PLXNA1: variants seen among roughly 807,000 people sequenced by gnomAD.
PLXNA1 encodes plexin A1.
PLXNA1 carries 77 observed loss-of-function variants against 191.7 expected under a neutral mutation model. The observed-to-expected ratio is 0.40, with a 90% confidence interval of 0.33 to 0.49. The LOEUF is 0.49. Ranked by LOEUF, PLXNA1 falls within the 20% of genes least tolerant of loss-of-function variation. The pLI, the probability that PLXNA1 is intolerant of heterozygous loss-of-function variation, is 0.63. For synonymous variants in PLXNA1, 1,137 were observed against 1,156.4 expected, an observed-to-expected ratio of 0.98 and a Z score of 0.34; for missense variants, 2,110 against 2,660.2, an observed-to-expected ratio of 0.79 and a Z score of 4.55.
At chr3:126,987,854 G>A (rs925005674) in intron 1 of PLXNA1, among the ~76,000 whole-genome samples, 2 of 151,070 alleles carry the variant, frequency 1.3e-5, no homozygotes, top group Non-Finnish European at 3.0e-5. Flanking sequence ...GGTTTATCCA[G>A]CATGGGGCTT....
At chr3:127,003,525 G>GCCCTCCT in intron 4 of PLXNA1, 55 bp downstream of exon 4, 1 of 1,536,722 alleles carries the variant, frequency 6.5e-7, no homozygotes, top group Non-Finnish European at 8.8e-7. Flanking sequence ...CTCCTACCAG[G>GCCCTCCT]AACCCCAGTC....
At chr3:127,023,449 C>A (rs1007886520) in intron 23 of PLXNA1, among the ~76,000 whole-genome samples, 11 of 152,230 alleles carry the variant, frequency 7.2e-5, no homozygotes, top group Admixed American at 5.9e-4. Flanking sequence ...TAGCCCACTC[C>A]TGAGAGGTGG....
At position 126,988,720 on chromosome 3, in the gene PLXNA1, A is replaced by G. The variant is rs753202965; in HGVS notation, c.127A>G (p.Thr43Ala). ...CGGGGGTTCACAGCCCCCCTTCCGCACCTTCTCGGCCAGCGACTGGGGCCT... is the reference window on the plus strand; with the variant it reads ...CGGGGGTTCACAGCCCCCCTTCCGCGCCTTCTCGGCCAGCGACTGGGGCCT... ...AGGGSQPPFR[T>A]FSASDWGLTH... The change falls in exon 2 of 32, where the codon ACC (threonine) becomes GCC (alanine). Residue 43 changes from threonine to alanine, a missense_variant. Physicochemically the swap from Thr to Ala is moderately conservative, Grantham distance 58. This residue lies in a region of PLXNA1 where 903 missense variants were observed against 1,015.7 expected (regional missense o/e 0.89). Transcript: ENST00000393409. The G allele has an allele frequency of 1.9e-5, 30 of 1,577,764 alleles. No individual in the cohort carries two copies. The highest frequency in any genetic ancestry group is 2.6e-5 in the Non-Finnish European group (30 of 1,159,150).
At chr3:126,991,351 G>T in intron 2 of PLXNA1, 33 bp from the exon 3 acceptor site, 1 of 1,606,586 alleles carries the variant, frequency 6.2e-7, no homozygotes. Context: ...GAAGGTGCCC[G>T]GGGAGTGGCT....
chr3:127,021,547 CCA>C (rs2079152186), intron 21 of PLXNA1, among the ~76,000 whole-genome samples: 1 of 152,342 alleles, frequency 6.6e-6, no homozygotes, highest in African/African-American at 2.4e-5. Flanking sequence ...CTTCCTGTCT[CCA>C]ACCTTGTGTC....
rs757422870 is a variant in PLXNA1, at chr3:126,988,801, C to T, written c.208C>T (p.Arg70Cys). The T allele has an allele frequency of 2.5e-6, 4 of 1,612,090 alleles. No homozygotes were observed. The highest frequency in any genetic ancestry group is 2.5e-6 in the Non-Finnish European group (3 of 1,179,200). Residue 70 changes from arginine (R) to cysteine (C), a missense_variant, in exon 2 of 32, where the codon CGC becomes TGC. Around this residue, in one of 4 missense-constraint regions of PLXNA1, gnomAD observed 903 missense variants for 1,015.7 expected, o/e 0.89. Coordinates refer to ENST00000393409, the MANE Select transcript of PLXNA1 (RefSeq NM_032242.4). ...TGEVYVGAVN[R>C]IYKLSGNLTL... ...CGAGGTGTATGTGGGCGCAGTGAACCGCATCTATAAGCTGTCGGGGAACCT... is the reference window on the plus strand; with the variant it reads ...CGAGGTGTATGTGGGCGCAGTGAACTGCATCTATAAGCTGTCGGGGAACCT...
rs753764053 is a variant in PLXNA1, at chr3:127,017,547, G to A, written c.3399G>A (p.Val1133=). The A allele has an allele frequency of 6.2e-7, 1 of 1,613,684 alleles. No homozygotes were observed. The highest frequency in any genetic ancestry group is 1.7e-5 in the Admixed American group (1 of 60,024). The part of the protein sequence containing the change: ...PDELGFVMDN[V]RSLLVLNSTS... Reference sequence around the variant, plus strand: ...AGCTGGGCTTCGTCATGGACAACGTGCGCTCCCTGCTTGTGCTCAACTCCA... The same window carrying A: ...AGCTGGGCTTCGTCATGGACAACGTACGCTCCCTGCTTGTGCTCAACTCCA... Residue 1133 remains valine, a synonymous_variant, in exon 18 of 32, where the codon GTG becomes GTA. Coordinates refer to ENST00000393409, the MANE Select transcript of PLXNA1 (RefSeq NM_032242.4).
rs537869186 is a variant in PLXNA1, at chr3:127,036,209, GGT to G, written c.*2193_*2194del. ...ATGCTGGCTTCAGGTTGAAGTCCCT[GGT>G]TCTTCCAGTTCCTCACGGGTTAGGT... On this transcript the variant is annotated 3_prime_UTR_variant, in exon 32 of 32. Coordinates refer to ENST00000393409, the MANE Select transcript of PLXNA1 (RefSeq NM_032242.4). The G allele has an allele frequency of 1.3e-5, 2 of 152,856 alleles. No individual in the cohort carries two copies. The highest frequency in any genetic ancestry group is 4.8e-5 in the African/African-American group (2 of 41,556). The allele number at this position is 152,856 out of a possible 1,614,324, so 9.5% of individuals were successfully genotyped here.
intron 23 of PLXNA1, chr3:127,027,683 A>G (rs1352123973): frequency 3.1e-6 from 2 of 641,412 alleles, no homozygotes; most frequent in Admixed American, 2.1e-5. Flanking sequence ...TCGATACACT[A>G]CTGCGCCTCC....
intron 15 of PLXNA1, 119 bp from the exon 16 acceptor site, chr3:127,016,398 C>A: frequency 2.4e-6 from 2 of 845,684 alleles, no homozygotes; most frequent in Non-Finnish European, 3.8e-6. Context: ...TAGTATGCAG[C>A]CACCCAAGGC....
At position 127,014,107 on chromosome 3, in the gene PLXNA1, A is replaced by G; in HGVS notation, c.2401A>G (p.Asn801Asp). 1 of 1,613,796 alleles carries G rather than the reference A, an allele frequency of 6.2e-7. No homozygotes were observed. Among genetic ancestry groups the G allele is most frequent in the Non-Finnish European group, 8.5e-7 (1 of 1,179,918 alleles). The change falls in exon 11 of 32, where the codon AAC becomes GAC. Residue 801 changes from asparagine (N) to aspartate (D), a missense_variant. Around this residue, in one of 4 missense-constraint regions of PLXNA1, gnomAD observed 644 missense variants for 714.3 expected, o/e 0.90. Transcript: ENST00000393409. Reference protein sequence around the residue: ...NGNFVIDNPQNIQAHLYKCPA... With the variant: ...NGNFVIDNPQDIQAHLYKCPA... Reference sequence around the variant, plus strand: ...CAACTTTGTCATTGACAACCCACAGAACATCCAGGGTGAGTGGGCGCCCCG... The same window carrying G: ...CAACTTTGTCATTGACAACCCACAGGACATCCAGGGTGAGTGGGCGCCCCG...
In PLXNA1 at chr3:127,002,640, C is replaced by T. The variant is rs998981443; in HGVS notation, c.1378-690C>T. ...CCCTGGACTCAGAGCTGGGCAGACA[C>T]GCCCCAAGAGTCCCATCTCTGGAAA... On this transcript the variant is annotated intron_variant, in intron 3 of 31. Transcript: ENST00000393409. Among the ~76,000 whole-genome samples the T allele has an allele frequency of 2.0e-5, 3 of 152,240 alleles. No individual in the cohort carries two copies. In the East Asian group the frequency reaches 5.8e-4, roughly 29 times the overall value.
Position 127,016,667 on chromosome 3 carries a change from C to T in PLXNA1, c.3165C>T (p.Pro1055=), listed in dbSNP as rs767542545. Residue 1055 remains proline, a synonymous_variant, in exon 16 of 32, where the codon CCC becomes CCT. Transcript: ENST00000393409. ...ACCCCACCATCCTGAGGATCGACCCCGAGTGGAGCATCAACAGGTGGGGCC... is the reference window on the plus strand; with the variant it reads ...ACCCCACCATCCTGAGGATCGACCCTGAGTGGAGCATCAACAGGTGGGGCC... ...TEDPTILRID[P]EWSINSGGTL... 20 of 1,613,886 alleles carry T rather than the reference C, an allele frequency of 1.2e-5. 1 individual carries two copies. Among genetic ancestry groups the T allele is most frequent in the East Asian group, 2.2e-5 (1 of 44,882 alleles).
chr3:126,983,296 G>GGGCGCAACTTTCCCCGC lies in PLXNA1; in HGVS notation c.-74+15_-74+31dup, dbSNP rs1437043660. ...GCGCCCCGGGGCGGCGGGTGAGTCG[G>GGGCGCAACTTTCCCCGC]GGCGCAACTTTCCCCGCGGCGCGGG... On this transcript the variant is annotated intron_variant, in intron 1 of 31. Transcript: ENST00000393409. Among the ~76,000 whole-genome samples, 4 of 144,386 alleles carry GGGCGCAACTTTCCCCGC rather than the reference G, an allele frequency of 2.8e-5. No homozygotes were observed. Among genetic ancestry groups the GGGCGCAACTTTCCCCGC allele is most frequent in the Non-Finnish European group, 4.6e-5 (3 of 65,058 alleles). The allele number at this position is 144,386 out of a possible 152,430, so 94.7% of individuals were successfully genotyped here.
intron 25 of PLXNA1, 35 bp from the exon 26 acceptor site, chr3:127,028,958 C>T (rs2079191284): frequency 6.5e-7 from 1 of 1,550,118 alleles, no homozygotes; most frequent in Non-Finnish European, 8.9e-7. Flanking sequence ...AAGAGGGCCC[C>T]AGCGGCCCCA....
In PLXNA1 at chr3:126,989,739, G is replaced by A. The variant is rs762328235; in HGVS notation, c.1146G>A (p.Lys382=). The change falls in exon 2 of 32, where the codon AAG becomes AAA. Residue 382 remains lysine, a synonymous_variant. Transcript: ENST00000393409. Reference sequence around the variant, plus strand: ...AGTCCTGCTACCGTGGTGAGGGCAAGCTCTCCCTGCCGTGGCTGCTCAACA... The same window carrying A: ...AGTCCTGCTACCGTGGTGAGGGCAAACTCTCCCTGCCGTGGCTGCTCAACA... ...RIQSCYRGEG[K]LSLPWLLNKE... 3 of 1,612,688 alleles carry A rather than the reference G, an allele frequency of 1.9e-6. No homozygotes were observed. The highest frequency in any genetic ancestry group is 2.5e-6 in the Non-Finnish European group (3 of 1,179,872).
intron 25 of PLXNA1, chr3:127,028,743 T>C (rs1244484295): frequency 1.8e-6 from 1 of 550,358 alleles, no homozygotes. Context: ...GGCTGAGGAG[T>C]TGGGGCCCTA....
chr3:127,029,765 AAT>A lies in PLXNA1; in HGVS notation c.4871-108_4871-107del, dbSNP rs1331922861. On this transcript the variant is annotated intron_variant, in intron 27 of 31. Transcript: ENST00000393409. ...TCTGTGGTGTCATCGGCTGCCCCAA[AAT>A]CCCACATGGGTGGGGGTGCCATCCC... The A allele has an allele frequency of 5.0e-5, 67 of 1,340,368 alleles. No homozygotes were observed. The East Asian group carries it at 1.6e-3, about 33-fold the overall frequency. 83.0% of individuals were successfully genotyped at this position (1,340,368 alleles called of 1,614,324 possible).
chr3:127,031,496 C>G (rs114273266), intron 29 of PLXNA1, among the ~76,000 whole-genome samples: 1 of 152,176 alleles, frequency 6.6e-6, no homozygotes, highest in Non-Finnish European at 1.5e-5. Context: ...GGTCTCCCCC[C>G]AGTTCTGTGC....
Sources: allele counts gnomAD v4.1 joint callset (sites outside exome capture counted in the v4.1 genomes callset), GRCh38; gene constraint gnomAD v4.1.1; regional missense constraint gnomAD v4.1.1; transcripts MANE v1.5; gene names NCBI Gene and HGNC (gene_info 2026-07-23, HGNC 2026-07-21).